The following TRAPPC3L variants were observed in gnomAD, a reference collection of about 807,000 sequenced individuals.
TRAPPC3L encodes trafficking protein particle complex subunit 3L.
In TRAPPC3L, 23 loss-of-function variants were observed where a neutral mutation model predicts 23.7. The observed-to-expected ratio is 0.97, with a 90% CI of 0.70 to 1.37. The LOEUF (loss-of-function observed/expected upper bound fraction) is 1.37. TRAPPC3L is among the 40% of genes most tolerant of loss of function. The pLI is 0.00. For missense variants in TRAPPC3L, 212 were observed against 216.8 expected (o/e 0.98, Z 0.14); for synonymous variants, 81 against 77.9 (o/e 1.04, Z -0.21).
At chr6:116,513,993 T>C (rs776383605) in intron 3 of TRAPPC3L, among the ~76,000 whole-genome samples, 23 of 152,122 alleles carry the variant, frequency 1.5e-4, no homozygotes, top group Non-Finnish European at 3.1e-4. Flanking sequence ...TGTCGGAAGA[T>C]TTAGAGATGA....
chr6:116,525,170 A>G (rs1401733389), intron 3 of TRAPPC3L, among the ~76,000 whole-genome samples: 3 of 152,186 alleles, frequency 2.0e-5, no homozygotes, highest in African/African-American at 7.2e-5. Flanking sequence ...GAGGATGTTG[A>G]ATTAGTACAT....
chr6:116,512,957 C>A (rs1450090893), intron 3 of TRAPPC3L, among the ~76,000 whole-genome samples: 1 of 152,162 alleles, frequency 6.6e-6, no homozygotes, highest in Non-Finnish European at 1.5e-5. Context: ...AGAAGGAAAT[C>A]ATATCTTTAC....
intron 3 of TRAPPC3L, among the ~76,000 whole-genome samples, chr6:116,533,840 T>C (rs1295719593): frequency 6.6e-6 from 1 of 152,144 alleles, no homozygotes; most frequent in East Asian, 1.9e-4. Flanking sequence ...GGCCTTTCCT[T>C]CCTAACTTGC....
chr6:116,545,449 A>T (rs1452413284), intron 1 of TRAPPC3L, 24 bp downstream of exon 1: 1 of 1,535,672 alleles, frequency 6.5e-7, no homozygotes, highest in Admixed American at 2.0e-5. Context: ...AAGTAGAAAA[A>T]ATCTCTTTGT....
At chr6:116,520,106 T>C (rs1356525458) in intron 3 of TRAPPC3L, 5 of 152,180 alleles carry the variant, frequency 3.3e-5, no homozygotes, top group Non-Finnish European at 7.3e-5. Flanking sequence ...CTTTAAAGCA[T>C]CACTAAAAAT....
intron 3 of TRAPPC3L, among the ~76,000 whole-genome samples, chr6:116,507,061 T>C (rs1772019303): frequency 6.6e-6 from 1 of 151,814 alleles, no homozygotes; most frequent in African/African-American, 2.4e-5. Flanking sequence ...ATGTATAGAA[T>C]ATTGTAAGAG....
intron 3 of TRAPPC3L, among the ~76,000 whole-genome samples, chr6:116,507,623 T>G (rs1013804743): frequency 1.3e-5 from 2 of 152,116 alleles, no homozygotes; most frequent in Non-Finnish European, 2.9e-5. Context: ...AAACATAATA[T>G]ATACGGGTTT....
At chr6:116,516,031 C>A in intron 3 of TRAPPC3L, 1 of 1,535,132 alleles carries the variant, frequency 6.5e-7, no homozygotes, top group South Asian at 1.3e-5. Context: ...GTGGCATGCT[C>A]ATTCTGTGAT....
chr6:116,527,971 A>T (rs1772497860), intron 3 of TRAPPC3L, among the ~76,000 whole-genome samples: 1 of 152,228 alleles, frequency 6.6e-6, no homozygotes, highest in East Asian at 1.9e-4. Flanking sequence ...ATTTAAAAAA[A>T]CTTCTCCCTT....
chr6:116,543,298 C>T lies in TRAPPC3L; in HGVS notation c.140+5G>A. 6.5e-7 allele frequency: 1 copy of T among 1,544,414 alleles called. No homozygotes were observed. Among genetic ancestry groups the T allele is most frequent in the Non-Finnish European group, 8.8e-7 (1 of 1,142,840 alleles). ...ATTCAATAAGAATGAAGGACTTCCA[C>T]TTACATTTTATCTAAATATTGGTTC... On this transcript the variant is annotated splice_donor_5th_base_variant and intron_variant, in intron 2 of 4. Transcript: ENST00000368602.
At chr6:116,527,437 C>G (rs1381177687) in intron 3 of TRAPPC3L, among the ~76,000 whole-genome samples, 1 of 149,666 alleles carries the variant, frequency 6.7e-6, no homozygotes, top group South Asian at 2.1e-4. Flanking sequence ...ATGGCGTGAA[C>G]CGGGGAGGCG....
intron 3 of TRAPPC3L, chr6:116,512,270 C>T: frequency 6.4e-7 from 1 of 1,561,102 alleles, no homozygotes. Context: ...TTTCTCTCAG[C>T]ATGAGCTCGA....
At chr6:116,522,492 T>C (rs897557520) in intron 3 of TRAPPC3L, 13 of 152,234 alleles carry the variant, frequency 8.5e-5, no homozygotes, top group African/African-American at 3.1e-4. Flanking sequence ...TCTTCAATCA[T>C]GTTTTCTTTT....
intron 3 of TRAPPC3L, among the ~76,000 whole-genome samples, chr6:116,532,615 A>C (rs1303564903): frequency 6.6e-6 from 1 of 152,252 alleles, no homozygotes; most frequent in Non-Finnish European, 1.5e-5. Context: ...TACTAGTATT[A>C]TCATAACTTT....
rs146048467 is a variant in TRAPPC3L, at chr6:116,539,817, T to C, written c.240+546A>G. Among the ~76,000 whole-genome samples, 78 of 152,332 alleles carry C rather than the reference T, an allele frequency of 5.1e-4. No homozygotes were observed. In the East Asian group the frequency reaches 0.012, roughly 23 times the overall value. On this transcript the variant is annotated intron_variant, in intron 3 of 4. Transcript: ENST00000368602. ...TAGGCCAAGATTTTTAAAGGCTGGC[T>C]AAAGATGCATTTTCCGGTTTAATTT...
chr6:116,540,229 C>T (rs930924868), intron 3 of TRAPPC3L, 134 bp downstream of exon 3: 6 of 808,528 alleles, frequency 7.4e-6, no homozygotes, highest in Middle Eastern at 3.0e-4. Context: ...AAATGCTTTT[C>T]AATCAGAATC....
chr6:116,540,588 G>A lies in TRAPPC3L; in HGVS notation c.141-126C>T, dbSNP rs1045323468. On this transcript the variant is annotated intron_variant, in intron 2 of 4. Transcript: ENST00000368602. ...AATCACAAATCAAACCAAATATGAC[G>A]AGTCAAATGGCTTTTGGCTGTGGGC... The A allele has an allele frequency of 7.8e-6, 7 of 894,520 alleles. No homozygotes were observed. In the African/African-American group the frequency reaches 1.0e-4, roughly 13 times the overall value. 55.4% of individuals were successfully genotyped at this position (894,520 alleles called of 1,614,324 possible). A position where few individuals can be genotyped will look rare whatever the true frequency, so the allele number is the denominator to read the frequency against.
intron 3 of TRAPPC3L, among the ~76,000 whole-genome samples, chr6:116,526,913 TAC>T (rs1390682252): frequency 6.6e-6 from 1 of 152,202 alleles, no homozygotes; most frequent in African/African-American, 2.4e-5. Context: ...CACTTTGACA[TAC>T]ATATTCATTA....
chr6:116,526,727 C>T (rs1438577763), intron 3 of TRAPPC3L, among the ~76,000 whole-genome samples: 3 of 152,096 alleles, frequency 2.0e-5, no homozygotes, highest in Non-Finnish European at 4.4e-5. Context: ...ATCCTTAGAC[C>T]CAGACAGATC....
Sources: gnomAD v4.1 joint callset for allele counts (sites outside exome capture counted in the v4.1 genomes callset) on GRCh38, gnomAD v4.1.1 for gene constraint, MANE v1.5 for transcripts, NCBI Gene and HGNC (gene_info 2026-07-23, HGNC 2026-07-21) for gene names.